Variants in EYS observed in about 807,000 individuals in gnomAD.
EYS encodes the protein EGF-like photoreceptor maintenance factor.
Under a neutral mutation model 282.1 loss-of-function variants are expected in EYS, and 250 were observed. The ratio of observed to expected loss-of-function variants is 0.89; its 90% confidence interval spans 0.80 to 0.98. The LOEUF is 0.98. Ranked by LOEUF, EYS falls within the 50% of genes least tolerant of loss-of-function variation. The pLI, the probability that EYS is intolerant of heterozygous loss-of-function variation, is 0.00. For synonymous variants in EYS, 1,355 were observed against 1,282.9 expected, an observed-to-expected ratio of 1.06 and a Z score of -1.20; for missense variants, 4,016 against 3,709.0, an observed-to-expected ratio of 1.08 and a Z score of -2.15.
At chr6:64,661,202 G>A (rs1769001673) in intron 22 of EYS, among the ~76,000 whole-genome samples, 1 of 152,106 alleles carries the variant, frequency 6.6e-6, no homozygotes, top group South Asian at 2.1e-4. Flanking sequence ...AGCTGAAACT[G>A]GATCCTGTCC....
chr6:64,951,105 T>C (rs1769491628), intron 14 of EYS, among the ~76,000 whole-genome samples: 1 of 151,580 alleles, frequency 6.6e-6, no homozygotes. Context: ...AGCCCACAAT[T>C]TGATCAGCCC....
chr6:65,272,743 A>C (rs944918480), intron 12 of EYS, among the ~76,000 whole-genome samples: 2 of 152,152 alleles, frequency 1.3e-5, no homozygotes, highest in African/African-American at 2.4e-5. Flanking sequence ...ATATTGAACA[A>C]ATTTAAAACT....
Position 64,626,169 on chromosome 6 carries a change from C to T in EYS, c.3520G>A (p.Ala1174Thr), listed in dbSNP as rs1320763054. 16 of 1,545,996 alleles carry T rather than the reference C, an allele frequency of 1.0e-5. No homozygotes were observed. In the South Asian group the frequency reaches 1.1e-4, roughly 11 times the overall value. ...CCATTGATGTGATCTTCACAGTCTGCACCATGTAGACATGGTGATGAAGAG... is the reference window on the plus strand; with the variant it reads ...CCATTGATGTGATCTTCACAGTCTGTACCATGTAGACATGGTGATGAAGAG... ...ECSSSPCLHG[A>T]DCEDHINGYV... The change falls in exon 23 of 43, where the codon GCA (alanine) becomes ACA (threonine). Residue 1174 changes from alanine to threonine, a missense_variant. By Grantham distance (58) the Ala-to-Thr change is moderately conservative. Transcript: ENST00000503581.
At chr6:65,605,714 C>T (rs912115525) in intron 2 of EYS, among the ~76,000 whole-genome samples, 2 of 151,518 alleles carry the variant, frequency 1.3e-5, no homozygotes, top group South Asian at 2.1e-4. Context: ...ATTGTAAGCA[C>T]TGATATAGAT....
chr6:63,809,235 G>C (rs978607748), intron 36 of EYS, among the ~76,000 whole-genome samples: 2 of 152,204 alleles, frequency 1.3e-5, no homozygotes, highest in Non-Finnish European at 2.9e-5. Flanking sequence ...GCAGAAGAAC[G>C]TGAGGGACTC....
intron 9 of EYS, among the ~76,000 whole-genome samples, chr6:65,349,311 G>T (rs908479243): frequency 1.3e-5 from 2 of 151,418 alleles, no homozygotes; most frequent in South Asian, 2.1e-4. Context: ...ATGCACTTTT[G>T]CAGAGTACAC....
intron 30 of EYS, among the ~76,000 whole-genome samples, chr6:64,272,789 A>G (rs1391068394): frequency 1.3e-5 from 2 of 152,134 alleles, no homozygotes; most frequent in Admixed American, 1.3e-4. Context: ...CAAGATATCA[A>G]TTTAAGTCTT....
intron 26 of EYS, among the ~76,000 whole-genome samples, chr6:64,555,865 G>A (rs1018871285): frequency 6.6e-6 from 1 of 151,612 alleles, no homozygotes; most frequent in Admixed American, 6.6e-5. Context: ...CACACCACAA[G>A]GATAGCAAAA....
chr6:65,102,827 C>T (rs940013747), intron 12 of EYS, among the ~76,000 whole-genome samples: 3 of 151,102 alleles, frequency 2.0e-5, no homozygotes, highest in African/African-American at 7.3e-5. Flanking sequence ...TTAACAAATG[C>T]TATTAATTTC....
intron 14 of EYS, among the ~76,000 whole-genome samples, chr6:64,968,122 C>T (rs756379912): frequency 3.9e-5 from 6 of 152,156 alleles, no homozygotes; most frequent in Admixed American, 6.5e-5. Flanking sequence ...ATATATAACA[C>T]TAGAGTCCTC....
At chr6:65,025,162 C>A (rs190202918) in intron 13 of EYS, among the ~76,000 whole-genome samples, 182 of 152,224 alleles carry the variant, frequency 1.2e-3, no homozygotes, top group African/African-American at 4.3e-3. Flanking sequence ...AATTAAAAAT[C>A]AATATGCATT....
At chr6:64,825,527 A>T (rs1765027567) in intron 19 of EYS, among the ~76,000 whole-genome samples, 1 of 151,720 alleles carries the variant, frequency 6.6e-6, no homozygotes, top group South Asian at 2.1e-4. Context: ...GATATCTGTT[A>T]TTTTCTCAGA....
chr6:65,064,260 C>G (rs9717834), intron 12 of EYS, among the ~76,000 whole-genome samples: 6 of 124,698 alleles, frequency 4.8e-5, no homozygotes, highest in Admixed American at 2.4e-4. Context: ...ATATATATAT[C>G]ATATATAGTA....
At chr6:65,068,083 T>C (rs879794358) in intron 12 of EYS, among the ~76,000 whole-genome samples, 16 of 152,140 alleles carry the variant, frequency 1.1e-4, no homozygotes, top group Non-Finnish European at 2.9e-5. Context: ...ATGCCCTCAT[T>C]GCATTTCTCC....
intron 26 of EYS, among the ~76,000 whole-genome samples, chr6:64,543,729 A>G (rs1764758719): frequency 6.6e-6 from 1 of 152,140 alleles, no homozygotes; most frequent in Non-Finnish European, 1.5e-5. Context: ...CTAGTTATTG[A>G]ACTTTGAGGT....
intron 13 of EYS, among the ~76,000 whole-genome samples, chr6:65,011,432 C>T (rs1771866152): frequency 1.3e-5 from 2 of 152,118 alleles, no homozygotes; most frequent in African/African-American, 4.8e-5. Flanking sequence ...CAAATGGAGC[C>T]CCAAATGCAG....
chr6:63,798,987 G>GTATATATATATA lies in EYS; in HGVS notation c.7411+7191_7411+7202dup, dbSNP rs56290982. Among the ~76,000 whole-genome samples the GTATATATATATA allele has an allele frequency of 1.7e-3, 146 of 85,726 alleles. 1 individual carries two copies. Among genetic ancestry groups the GTATATATATATA allele is most frequent in the South Asian group, 2.5e-3 (6 of 2,432 alleles). The allele number at this position is 85,726 out of a possible 152,430, so 56.2% of individuals were successfully genotyped here. On this transcript the variant is annotated intron_variant, in intron 37 of 42. Coordinates refer to ENST00000503581, the MANE Select transcript of EYS (RefSeq NM_001142800.2). Reference sequence around the variant, plus strand: ...TGTATATATATATATGTATATGTGTGTATATATATATATATATATATATAT... The same window carrying GTATATATATATA: ...TGTATATATATATATGTATATGTGTGTATATATATATATATATATATATATATATATATATAT...
chr6:65,677,182 C>T (rs1185449838), intron 1 of EYS, among the ~76,000 whole-genome samples: 1 of 147,430 alleles, frequency 6.8e-6, no homozygotes, highest in East Asian at 2.0e-4. Context: ...GCACTCTTAT[C>T]ACTTCTATTC....
At chr6:64,093,259 A>G (rs1422204550) in intron 31 of EYS, among the ~76,000 whole-genome samples, 4 of 152,066 alleles carry the variant, frequency 2.6e-5, no homozygotes, top group Admixed American at 1.3e-4. Context: ...TTCCATATGA[A>G]CTTTAAAGTA....
Sources: gnomAD v4.1 joint callset for allele counts (sites outside exome capture counted in the v4.1 genomes callset) on GRCh38, gnomAD v4.1.1 for gene constraint, MANE v1.5 for transcripts, NCBI Gene and HGNC (gene_info 2026-07-23, HGNC 2026-07-21) for gene names.